Variants in GRIK3 observed in about 807,000 individuals in gnomAD.
The protein encoded by GRIK3 is glutamate receptor ionotropic, kainate 3.
Under a neutral mutation model 102.5 loss-of-function variants are expected in GRIK3, and 29 were observed. The observed-to-expected ratio is 0.28, with a 90% CI of 0.21 to 0.39. The LOEUF (loss-of-function observed/expected upper bound fraction) is 0.39. Ranked by LOEUF, GRIK3 falls within the 10% of genes least tolerant of loss-of-function variation. The pLI is 1.00. For synonymous variants in GRIK3, 511 were observed against 504.9 expected, an observed-to-expected ratio of 1.01 and a Z score of -0.16; for missense variants, 908 against 1,252.4, an observed-to-expected ratio of 0.73 and a Z score of 4.15.
chr1:36,962,104 G>A (rs550514662), intron 1 of GRIK3, among the ~76,000 whole-genome samples: 7 of 152,164 alleles, frequency 4.6e-5, no homozygotes, highest in Non-Finnish European at 1.0e-4. Context: ...CTGGCCAGGC[G>A]GGGCAGGAGC....
At chr1:36,898,516 G>T (rs992245495) in intron 1 of GRIK3, among the ~76,000 whole-genome samples, 5 of 152,110 alleles carry the variant, frequency 3.3e-5, no homozygotes, top group African/African-American at 4.8e-5. Flanking sequence ...TCAAAACATT[G>T]TTGAAGGTAA....
chr1:36,972,856 G>A (rs151241339), intron 1 of GRIK3, among the ~76,000 whole-genome samples: 150 of 152,298 alleles, frequency 9.8e-4, no homozygotes, highest in Non-Finnish European at 1.7e-3. Context: ...TAGACTAGGG[G>A]CCAAAGGATG....
chr1:36,847,019 G>A (rs1640527356), intron 9 of GRIK3, among the ~76,000 whole-genome samples: 1 of 152,252 alleles, frequency 6.6e-6, no homozygotes, highest in South Asian at 2.1e-4. Flanking sequence ...CCCATAGGGG[G>A]AAGCACACCT....
intron 1 of GRIK3, among the ~76,000 whole-genome samples, chr1:37,021,742 A>C (rs1642717080): frequency 6.6e-6 from 1 of 152,074 alleles, no homozygotes; most frequent in Non-Finnish European, 1.5e-5. Flanking sequence ...CTCAGGGGAG[A>C]GCTCAGTTCT....
chr1:36,935,498 C>T (rs1641646678), intron 1 of GRIK3, among the ~76,000 whole-genome samples: 1 of 152,076 alleles, frequency 6.6e-6, no homozygotes, highest in Non-Finnish European at 1.5e-5. Context: ...GGTCCTATGA[C>T]CGCTCTGTAT....
At chr1:36,994,481 T>C (rs1006389428) in intron 1 of GRIK3, among the ~76,000 whole-genome samples, 2 of 152,238 alleles carry the variant, frequency 1.3e-5, no homozygotes, top group Non-Finnish European at 2.9e-5. Context: ...ACCTATGAAA[T>C]GGCATCAATC....
At chr1:36,836,105 C>G (rs540607532) in intron 10 of GRIK3, among the ~76,000 whole-genome samples, 1 of 152,370 alleles carries the variant, frequency 6.6e-6, no homozygotes, top group Admixed American at 6.5e-5. Flanking sequence ...GCATGCTTTA[C>G]TTGCAATTGT....
intron 8 of GRIK3, among the ~76,000 whole-genome samples, chr1:36,851,498 C>T (rs1432992479): frequency 6.6e-6 from 1 of 152,246 alleles, no homozygotes; most frequent in Non-Finnish European, 1.5e-5. Context: ...GCCAAGCTCA[C>T]TTTGAGCGTG....
intron 5 of GRIK3, among the ~76,000 whole-genome samples, chr1:36,868,431 G>A (rs926040539): frequency 1.3e-5 from 2 of 152,188 alleles, no homozygotes; most frequent in African/African-American, 4.8e-5. Context: ...CCTGGATCAG[G>A]AGAATCGCAG....
intron 1 of GRIK3, among the ~76,000 whole-genome samples, chr1:36,966,373 C>G (rs1322258246): frequency 2.6e-5 from 4 of 152,222 alleles, no homozygotes; most frequent in Admixed American, 1.3e-4. Flanking sequence ...CAACAGGGGC[C>G]TTGGACGTTC....
Position 36,819,090 on chromosome 1 carries a change from A to T in GRIK3, c.1873+646T>A, listed in dbSNP as rs1642668401. On this transcript the variant is annotated intron_variant, in intron 12 of 15. Transcript: ENST00000373091. This position sits in a 1 kb window ranked among gnomAD's most constrained non-coding sequence, Gnocchi z 4.1. ...TCTGCTGCAGATAGTTCCAAAGCAC[A>T]TTGGCCCTCCCTCCAGAGGATGTAA... 6.6e-6 allele frequency among the ~76,000 whole-genome samples: 1 copy of T among 152,118 alleles called. No individual in the cohort carries two copies. The highest frequency in any genetic ancestry group is 1.5e-5 in the Non-Finnish European group (1 of 68,010).
chr1:36,902,052 C>T (rs1003548323), intron 1 of GRIK3, among the ~76,000 whole-genome samples: 1 of 152,150 alleles, frequency 6.6e-6, no homozygotes, highest in East Asian at 1.9e-4. Context: ...TGAGGTAAAA[C>T]TCACAACTCT....
chr1:36,915,216 T>A (rs1480014356), intron 1 of GRIK3, among the ~76,000 whole-genome samples: 1 of 152,158 alleles, frequency 6.6e-6, no homozygotes, highest in Non-Finnish European at 1.5e-5. Context: ...TTTCTCAAAG[T>A]TCTTCATGCA....
chr1:36,816,779 T>C (rs567658), intron 13 of GRIK3, among the ~76,000 whole-genome samples: 30,479 of 152,112 alleles, frequency 0.2, 3,809 homozygotes, highest in African/African-American at 0.36. Flanking sequence ...GCCCCTCTCT[T>C]CATCTGTCTC....
chr1:36,842,045 C>G (rs188301158), intron 9 of GRIK3, 106 bp from the exon 10 acceptor site: 1 of 935,774 alleles, frequency 1.1e-6, no homozygotes, highest in Non-Finnish European at 1.7e-6. Context: ...TTTTTATAAA[C>G]CCCTTGGAGT....
chr1:36,925,292 T>C (rs1641515380), intron 1 of GRIK3, among the ~76,000 whole-genome samples: 5 of 152,080 alleles, frequency 3.3e-5, no homozygotes, highest in Admixed American at 3.3e-4. Flanking sequence ...CACACACACA[T>C]TGCACAACCA....
chr1:36,882,615 C>T (rs933538947), intron 2 of GRIK3, among the ~76,000 whole-genome samples: 1 of 152,154 alleles, frequency 6.6e-6, no homozygotes, highest in East Asian at 1.9e-4. Flanking sequence ...CTTCCTAGTT[C>T]ACAGCCATGA....
Position 36,876,596 on chromosome 1 carries a change from G to C in GRIK3, c.550+4038C>G, listed in dbSNP as rs1360105258. ...TTATTGCTTGAGTCAATGTGAGTTG[G>C]GCTGTCTGTTACTTGCAGCCAAAAC... On this transcript the variant is annotated intron_variant, in intron 3 of 15. Coordinates refer to ENST00000373091, the MANE Select transcript of GRIK3 (RefSeq NM_000831.4). 3.3e-5 allele frequency among the ~76,000 whole-genome samples: 5 copies of C among 152,242 alleles called. No individual in the cohort carries two copies. The East Asian group carries it at 9.6e-4, about 29-fold the overall frequency.
At chr1:37,015,539 A>C (rs1473554010) in intron 1 of GRIK3, among the ~76,000 whole-genome samples, 1 of 152,074 alleles carries the variant, frequency 6.6e-6, no homozygotes. Flanking sequence ...TTCATTACTA[A>C]ATCTCCCTTC....
Sources: gnomAD v4.1 joint callset for allele counts (sites outside exome capture counted in the v4.1 genomes callset) on GRCh38, gnomAD v4.1.1 for gene constraint, Gnocchi (gnomAD v3.1) non-coding constraint, MANE v1.5 for transcripts, NCBI Gene and HGNC (gene_info 2026-07-23, HGNC 2026-07-21) for gene names.